BLVRA: variants seen among roughly 807,000 people sequenced by gnomAD.
The protein encoded by BLVRA is biliverdin reductase A.
A neutral mutation model predicts 32.8 loss-of-function variants in BLVRA; 22 were observed. The observed-to-expected ratio is 0.67, with a 90% CI of 0.48 to 0.96. The LOEUF is 0.96. Ranked by LOEUF, BLVRA falls within the 40% of genes least tolerant of loss-of-function variation. BLVRA has a pLI of 0.00. For synonymous variants in BLVRA, 119 were observed against 141.3 expected (o/e 0.84, Z 1.12); for missense variants, 323 against 358.1 (o/e 0.90, Z 0.79).
chr7:43,775,534 T>C (rs941293089), intron 2 of BLVRA, among the ~76,000 whole-genome samples: 3 of 152,146 alleles, frequency 2.0e-5, no homozygotes, highest in African/African-American at 7.2e-5. Flanking sequence ...CTGCTGGATT[T>C]GGTTTGCCAG....
chr7:43,774,292 A>T (rs1368671361), intron 2 of BLVRA, among the ~76,000 whole-genome samples: 1 of 152,178 alleles, frequency 6.6e-6, no homozygotes, highest in Non-Finnish European at 1.5e-5. Flanking sequence ...TAAGTCTTTA[A>T]TCCATCTTGA....
intron 4 of BLVRA, among the ~76,000 whole-genome samples, chr7:43,792,268 T>C (rs1041566470): frequency 6.6e-6 from 1 of 152,242 alleles, no homozygotes; most frequent in African/African-American, 2.4e-5. Context: ...TATACTCACA[T>C]GTTGCACCTG....
chr7:43,800,621 C>T (rs376736348), intron 6 of BLVRA, 49 bp downstream of exon 6: 332 of 1,518,576 alleles, frequency 2.2e-4, no homozygotes, highest in Non-Finnish European at 2.9e-4. Context: ...CAAAGACCAG[C>T]CAGATTCTTT....
chr7:43,785,064 A>C (rs2095775440), intron 2 of BLVRA, among the ~76,000 whole-genome samples: 1 of 152,162 alleles, frequency 6.6e-6, no homozygotes, highest in South Asian at 2.1e-4. Context: ...CTTAAAAAGC[A>C]GTTTGGCTTA....
At chr7:43,773,294 C>G (rs560609595) in intron 2 of BLVRA, among the ~76,000 whole-genome samples, 7 of 152,140 alleles carry the variant, frequency 4.6e-5, no homozygotes, top group Non-Finnish European at 1.0e-4. Context: ...CCCTCTCCCC[C>G]CACCCCACAA....
chr7:43,771,586 C>A (rs1169073053), intron 2 of BLVRA, among the ~76,000 whole-genome samples: 2 of 152,176 alleles, frequency 1.3e-5, no homozygotes, highest in African/African-American at 4.8e-5. Context: ...TTGTTTTACC[C>A]ATCAGCCCCT....
chr7:43,792,617 T>G, intron 4 of BLVRA, 98 bp from the exon 5 acceptor site: 1 of 1,187,274 alleles, frequency 8.4e-7, no homozygotes, highest in Non-Finnish European at 1.2e-6. Context: ...ACACAGAAAC[T>G]CTCATGCCTT....
intron 2 of BLVRA, among the ~76,000 whole-genome samples, chr7:43,781,724 A>C (rs2095769864): frequency 6.6e-6 from 1 of 152,238 alleles, no homozygotes; most frequent in Non-Finnish European, 1.5e-5. Context: ...TATATAGTTA[A>C]TCTGCTACAC....
intron 1 of BLVRA, among the ~76,000 whole-genome samples, chr7:43,766,898 G>A (rs991767907): frequency 1.3e-5 from 2 of 152,182 alleles, no homozygotes; most frequent in South Asian, 2.1e-4. Flanking sequence ...TTGGGAGGCC[G>A]AGGCAGGAGG....
chr7:43,766,140 T>C (rs1400735312), intron 1 of BLVRA, among the ~76,000 whole-genome samples: 1 of 151,298 alleles, frequency 6.6e-6, no homozygotes, highest in Admixed American at 6.6e-5. Flanking sequence ...ATAATTAGCG[T>C]GGTGGTGTGG....
intron 1 of BLVRA, among the ~76,000 whole-genome samples, 200 bp from the exon 2 acceptor site, chr7:43,770,938 G>A (rs569136836): frequency 6.6e-5 from 10 of 152,304 alleles, no homozygotes; most frequent in Admixed American, 1.3e-4. Flanking sequence ...ACATCCCAGG[G>A]AAGTCAGCTA....
chr7:43,787,842 T>C lies in BLVRA; in HGVS notation c.13-62T>C, dbSNP rs2095779693. ...CGGGACCCTGCCAGCTCCTTTGTTT[T>C]GTAGTTTTCTGCTCGATGCCTACAG... On this transcript the variant is annotated intron_variant, in intron 2 of 7. Transcript: ENST00000265523. The surrounding 1 kb of genome is among the most constrained non-coding windows in gnomAD (Gnocchi z 4.5). The C allele has an allele frequency of 6.2e-7, 1 of 1,613,740 alleles. No individual in the cohort carries two copies. The highest frequency in any genetic ancestry group is 1.3e-5 in the African/African-American group (1 of 74,904).
intron 3 of BLVRA, 133 bp from the exon 4 acceptor site, chr7:43,791,108 TAGCCTGGA>T: frequency 6.8e-7 from 1 of 1,469,036 alleles, no homozygotes; most frequent in Non-Finnish European, 9.2e-7. Flanking sequence ...CAATGGAAAA[TAGCCTGGA>T]AGTGGGAGAG....
chr7:43,775,643 C>T (rs567216104), intron 2 of BLVRA, among the ~76,000 whole-genome samples: 2,525 of 152,068 alleles, frequency 0.017, 34 homozygotes, highest in African/African-American at 0.042. Context: ...ATCAGGATGA[C>T]GCTGGCCTCA....
chr7:43,771,917 G>T (rs975989614), intron 2 of BLVRA, among the ~76,000 whole-genome samples: 2 of 152,246 alleles, frequency 1.3e-5, no homozygotes, highest in East Asian at 3.9e-4. Context: ...CTCCTCGAAG[G>T]TCCCCCTCAC....
chr7:43,761,142 T>G (rs2095741798), intron 1 of BLVRA, among the ~76,000 whole-genome samples: 1 of 152,194 alleles, frequency 6.6e-6, no homozygotes, highest in African/African-American at 2.4e-5. Flanking sequence ...TGGTCAGAAA[T>G]GAAGGTTGAA....
At chr7:43,806,692 G>A (rs1485050046) in intron 7 of BLVRA, among the ~76,000 whole-genome samples, 1 of 151,740 alleles carries the variant, frequency 6.6e-6, no homozygotes, top group Non-Finnish European at 1.5e-5. Context: ...AGGTTGCAGT[G>A]GGTCGAGATT....
intron 2 of BLVRA, among the ~76,000 whole-genome samples, chr7:43,781,614 C>T (rs2095769633): frequency 6.6e-6 from 1 of 152,212 alleles, no homozygotes; most frequent in Non-Finnish European, 1.5e-5. Context: ...GCTGGGATTA[C>T]AGGCATGAGC....
chr7:43,771,748 T>C (rs1208788947), intron 2 of BLVRA, among the ~76,000 whole-genome samples: 2 of 152,172 alleles, frequency 1.3e-5, no homozygotes, highest in Admixed American at 6.5e-5. Context: ...GGGTCTTGGG[T>C]GAGTGGCACA....
Sources: gnomAD v4.1 joint callset for allele counts (sites outside exome capture counted in the v4.1 genomes callset) on GRCh38, gnomAD v4.1.1 for gene constraint, Gnocchi (gnomAD v3.1) non-coding constraint, MANE v1.5 for transcripts, NCBI Gene and HGNC (gene_info 2026-07-23, HGNC 2026-07-21) for gene names.